TTC28: variants seen among roughly 807,000 people sequenced by gnomAD.
TTC28 encodes the protein tetratricopeptide repeat domain 28, also known as tetratricopeptide repeat protein 28.
TTC28 carries 61 observed loss-of-function variants against 198.0 expected under a neutral mutation model. That is an observed-to-expected ratio of 0.31 (90% confidence interval 0.25 to 0.38). The LOEUF (loss-of-function observed/expected upper bound fraction) is 0.38, where lower values mean the gene tolerates loss of function less well. Among genes scored for constraint, TTC28 ranks in the 10% least tolerant of loss-of-function variants. The pLI, the probability that TTC28 is intolerant of heterozygous loss-of-function variation, is 1.00. For missense variants in TTC28, 2,678 were observed against 3,164.0 expected (o/e 0.85, Z 3.69); for synonymous variants, 1,171 against 1,297.8 (o/e 0.90, Z 2.10).
At chr22:28,111,009 C>T (rs1262127354) in intron 6 of TTC28, among the ~76,000 whole-genome samples, 2 of 151,234 alleles carry the variant, frequency 1.3e-5, no homozygotes, top group East Asian at 3.9e-4. Flanking sequence ...TATATGATCC[C>T]AAAACAGTAC....
chr22:28,108,019 T>G lies in TTC28; in HGVS notation c.1826A>C (p.Glu609Ala). Residue 609 changes from glutamate (E) to alanine (A), a missense_variant, in exon 7 of 23, where the codon GAG becomes GCG. By Grantham distance (107) the Glu-to-Ala change is moderately radical. This residue lies in a region of TTC28 where 775 missense variants were observed against 845.9 expected (regional missense o/e 0.92). Coordinates refer to ENST00000397906, the MANE Select transcript of TTC28 (RefSeq NM_001145418.2). ...ATAATAGGGGGCAGCCTGGACATAC[T>G]CTCCCCGAGAGCAGTGGAAATTGCC... The part of the protein sequence containing the change: ...NLGNFHCSRG[E>A]YVQAAPYYEQ... The G allele has an allele frequency of 6.4e-7, 1 of 1,551,524 alleles. No homozygotes were observed. Among genetic ancestry groups the G allele is most frequent in the Non-Finnish European group, 8.7e-7 (1 of 1,146,966 alleles).
chr22:28,493,095 G>A, intron 2 of TTC28, among the ~76,000 whole-genome samples: 1 of 149,070 alleles, frequency 6.7e-6, no homozygotes, highest in Non-Finnish European at 1.5e-5. Context: ...AGAGGCTCAC[G>A]CCTGTAATCT....
chr22:28,483,953 T>G (rs964541618), intron 2 of TTC28, among the ~76,000 whole-genome samples: 2 of 152,178 alleles, frequency 1.3e-5, no homozygotes, highest in African/African-American at 4.8e-5. Flanking sequence ...AACAGAATTG[T>G]TAAGTAGGTA....
chr22:28,570,042 G>A (rs1367107578), intron 2 of TTC28, among the ~76,000 whole-genome samples: 1 of 152,162 alleles, frequency 6.6e-6, no homozygotes, highest in Admixed American at 6.5e-5. Flanking sequence ...TTATTAAAAA[G>A]TCAAAACATA....
intron 2 of TTC28, among the ~76,000 whole-genome samples, chr22:28,553,030 C>T (rs2145968287): frequency 6.6e-6 from 1 of 152,278 alleles, no homozygotes; most frequent in East Asian, 1.9e-4. Flanking sequence ...CGCGAGTGAT[C>T]CGCCAGCCTC....
At chr22:28,154,508 G>A (rs567997144) in intron 6 of TTC28, among the ~76,000 whole-genome samples, 112 of 151,940 alleles carry the variant, frequency 7.4e-4, no homozygotes, top group Non-Finnish European at 1.0e-3. Flanking sequence ...CTGCCGCCAC[G>A]CCCAGCTAAT....
chr22:27,982,519 C>T lies in TTC28; in HGVS notation c.7148G>A (p.Gly2383Asp). 6.4e-7 allele frequency: 1 copy of T among 1,551,612 alleles called. No individual in the cohort carries two copies. The highest frequency in any genetic ancestry group is 8.7e-7 in the Non-Finnish European group (1 of 1,146,992). ...GPMKIFRGAP[G>D]TMTSKRDVLS... Reference sequence around the variant, plus strand: ...GACATCCCTTTTGGAAGTCATCGTGCCAGGAGCCCCCCGGAAGATCTTCAT... The same window carrying T: ...GACATCCCTTTTGGAAGTCATCGTGTCAGGAGCCCCCCGGAAGATCTTCAT... Residue 2383 changes from glycine (G) to aspartate (D), a missense_variant, in exon 23 of 23, where the codon GGC becomes GAC. Physicochemically the swap from Gly to Asp is moderately conservative, Grantham distance 94 (BLOSUM62 -1). Transcript: ENST00000397906. This position sits in a 1 kb window ranked among gnomAD's most constrained non-coding sequence, Gnocchi z 5.2.
chr22:28,003,221 CAG>C (rs1937786635), intron 14 of TTC28, among the ~76,000 whole-genome samples: 1 of 152,078 alleles, frequency 6.6e-6, no homozygotes, highest in Admixed American at 6.5e-5. Context: ...AAAGGTGGCT[CAG>C]GGGGCTGCTC....
At chr22:28,312,006 G>A (rs1391038602) in intron 2 of TTC28, among the ~76,000 whole-genome samples, 3 of 148,844 alleles carry the variant, frequency 2.0e-5, no homozygotes, top group Non-Finnish European at 3.0e-5. Flanking sequence ...GAAAGGGATG[G>A]AGGAAGATCT....
chr22:27,982,236 A>C lies in TTC28; in HGVS notation c.7431T>G (p.Pro2477=). ...AAAAGATGCTTTAGCATTTGGAAGA[A>C]GGGAAAAATCTTCCTGGAGACAGGA... ...YKFLSPGRFF[P]SSKC Residue 2477 remains proline, a synonymous_variant, in exon 23 of 23, where the codon CCT becomes CCG. Transcript: ENST00000397906. The surrounding 1 kb of genome is among the most constrained non-coding windows in gnomAD (Gnocchi z 5.2). 4 of 1,465,188 alleles carry C rather than the reference A, an allele frequency of 2.7e-6. No individual in the cohort carries two copies. The highest frequency in any genetic ancestry group is 3.6e-6 in the Non-Finnish European group (4 of 1,107,988). 90.8% of individuals were successfully genotyped at this position (1,465,188 alleles called of 1,614,324 possible). A position where few individuals can be genotyped will look rare whatever the true frequency, so the allele number is the denominator to read the frequency against.
chr22:28,068,164 A>C (rs1940833862), intron 12 of TTC28, among the ~76,000 whole-genome samples: 1 of 152,216 alleles, frequency 6.6e-6, no homozygotes, highest in Non-Finnish European at 1.5e-5. Context: ...AGCTCTAATA[A>C]GAGCTTATCC....
At chr22:28,424,362 G>C (rs2047312205) in intron 2 of TTC28, among the ~76,000 whole-genome samples, 1 of 152,072 alleles carries the variant, frequency 6.6e-6, no homozygotes, top group Non-Finnish European at 1.5e-5. Context: ...CCTCCCTCAA[G>C]CATGGGAAAC....
rs572985068 is a variant in TTC28, at chr22:28,045,880, C to T, written c.3933-15514G>A. On this transcript the variant is annotated intron_variant, in intron 12 of 22. Coordinates refer to ENST00000397906, the MANE Select transcript of TTC28 (RefSeq NM_001145418.2). ...TCTGGAGGCTAAGGCAGGAGAATCA[C>T]TTGAATGCAGGAGGCGGAGCTGGAA... Among the ~76,000 whole-genome samples, 5 of 152,306 alleles carry T rather than the reference C, an allele frequency of 3.3e-5. No homozygotes were observed. The East Asian group carries it at 7.7e-4, about 24-fold the overall frequency.
chr22:28,325,917 T>C (rs971659005), intron 2 of TTC28, among the ~76,000 whole-genome samples: 2 of 152,016 alleles, frequency 1.3e-5, no homozygotes, highest in Non-Finnish European at 2.9e-5. Flanking sequence ...TTCTAGAAAA[T>C]GGTTTGGCAG....
At chr22:28,095,966 A>G (rs1941958134) in intron 11 of TTC28, among the ~76,000 whole-genome samples, 1 of 152,192 alleles carries the variant, frequency 6.6e-6, no homozygotes, top group African/African-American at 2.4e-5. Context: ...ATGCTTCCAC[A>G]TTCAACAGTG....
At chr22:27,996,396 T>A (rs1043927751) in intron 16 of TTC28, 137 bp from the exon 17 acceptor site, 1 of 1,297,512 alleles carries the variant, frequency 7.7e-7, no homozygotes, top group Non-Finnish European at 1.0e-6. Flanking sequence ...GCTCACAGGC[T>A]GGCCTGGGGC....
chr22:28,197,468 A>T (rs1569192089), intron 5 of TTC28, among the ~76,000 whole-genome samples: 1 of 152,098 alleles, frequency 6.6e-6, no homozygotes, highest in Non-Finnish European at 1.5e-5. Flanking sequence ...TTCTTCAAAA[A>T]CCAGATGGAC....
At chr22:28,083,133 T>C (rs1295160191) in intron 12 of TTC28, among the ~76,000 whole-genome samples, 1 of 151,756 alleles carries the variant, frequency 6.6e-6, no homozygotes, top group Non-Finnish European at 1.5e-5. Flanking sequence ...TGGATAAAGA[T>C]TAAAGTAGAA....
At chr22:28,485,535 T>C (rs1181400587) in intron 2 of TTC28, among the ~76,000 whole-genome samples, 1 of 152,146 alleles carries the variant, frequency 6.6e-6, no homozygotes, top group Non-Finnish European at 1.5e-5. Flanking sequence ...ACCAGCATGA[T>C]TAAAAAAATT....
Sources: allele counts gnomAD v4.1 joint callset (sites outside exome capture counted in the v4.1 genomes callset), GRCh38; gene constraint gnomAD v4.1.1; regional missense constraint gnomAD v4.1.1; non-coding constraint Gnocchi (gnomAD v3.1); transcripts MANE v1.5; gene names NCBI Gene and HGNC (gene_info 2026-07-23, HGNC 2026-07-21).